The following PTPRD variants were observed in gnomAD, a reference collection of about 807,000 sequenced individuals.
The protein encoded by PTPRD is receptor-type tyrosine-protein phosphatase delta.
In PTPRD, 34 loss-of-function variants were observed where a neutral mutation model predicts 214.5. That is an observed-to-expected ratio of 0.16 (90% CI 0.12 to 0.21). PTPRD has a LOEUF of 0.21. PTPRD is among the 10% of genes least tolerant of loss of function. The pLI, the probability that PTPRD is intolerant of heterozygous loss-of-function variation, is 1.00. For missense variants in PTPRD, 2,545 were observed against 2,398.7 expected, an observed-to-expected ratio of 1.06 and a Z score of -1.27; for synonymous variants, 1,128 against 845.7, an observed-to-expected ratio of 1.33 and a Z score of -5.79.
At chr9:9,744,341 T>A (rs951564598) in intron 6 of PTPRD, among the ~76,000 whole-genome samples, 1 of 151,886 alleles carries the variant, frequency 6.6e-6, no homozygotes, top group Non-Finnish European at 1.5e-5. Flanking sequence ...TAAAAACAAA[T>A]GGGTTTTATA....
intron 33 of PTPRD, among the ~76,000 whole-genome samples, chr9:8,453,818 G>C (rs879208000): frequency 6.6e-6 from 1 of 152,190 alleles, no homozygotes; most frequent in Admixed American, 6.5e-5. Flanking sequence ...AAGTTCCCTG[G>C]TGGTGCTGAC....
At chr9:8,837,017 A>T (rs2570291) in intron 11 of PTPRD, among the ~76,000 whole-genome samples, 1 of 145,506 alleles carries the variant, frequency 6.9e-6, no homozygotes, top group African/African-American at 2.5e-5. Context: ...GTGAGCCACC[A>T]CACCCAGCTT....
intron 26 of PTPRD, among the ~76,000 whole-genome samples, chr9:8,495,602 G>C (rs2097247416): frequency 6.6e-6 from 1 of 152,164 alleles, no homozygotes; most frequent in Non-Finnish European, 1.5e-5. Context: ...AGAAAATGAA[G>C]TGGAATAAAC....
intron 2 of PTPRD, among the ~76,000 whole-genome samples, chr9:10,430,013 C>G (rs1435853468): frequency 2.0e-5 from 3 of 151,850 alleles, no homozygotes; most frequent in African/African-American, 7.2e-5. Context: ...CCACTAATTC[C>G]TATATTTGGT....
chr9:8,499,878 C>A lies in PTPRD; in HGVS notation c.2129-38G>T, dbSNP rs767157459. On this transcript the variant is annotated intron_variant, in intron 24 of 45. Transcript: ENST00000381196. ...CATTGGATAAAAGAAATTATAGGCA[C>A]TTGTCCCACCCTATCAGAGCATTTT... 9 of 1,548,938 alleles carry A rather than the reference C, an allele frequency of 5.8e-6. No homozygotes were observed. The South Asian group carries it at 1.1e-4, about 19-fold the overall frequency.
intron 5 of PTPRD, among the ~76,000 whole-genome samples, chr9:9,868,535 T>G (rs1156368020): frequency 6.6e-6 from 1 of 151,638 alleles, no homozygotes; most frequent in African/African-American, 2.4e-5. Flanking sequence ...AAATATAGCT[T>G]GAGAATAAAA....
chr9:9,956,123 A>G (rs2093913134), intron 4 of PTPRD, among the ~76,000 whole-genome samples: 1 of 152,186 alleles, frequency 6.6e-6, no homozygotes, highest in Non-Finnish European at 1.5e-5. Context: ...CCAATCTAAT[A>G]TATGGTCTTC....
intron 10 of PTPRD, among the ~76,000 whole-genome samples, chr9:9,089,400 G>A (rs1172494869): frequency 2.0e-5 from 3 of 152,198 alleles, no homozygotes; most frequent in Admixed American, 6.5e-5. Context: ...TAATGAGTAT[G>A]TAGCTGGGAC....
chr9:9,074,824 T>C (rs1366745639), intron 10 of PTPRD, among the ~76,000 whole-genome samples: 5 of 151,678 alleles, frequency 3.3e-5, no homozygotes, highest in Non-Finnish European at 7.4e-5. Context: ...AAATATAACA[T>C]GTAAAATAAT....
chr9:8,529,154 GAGA>G (rs1303797600), intron 14 of PTPRD, among the ~76,000 whole-genome samples: 1 of 152,042 alleles, frequency 6.6e-6, no homozygotes, highest in African/African-American at 2.4e-5. Flanking sequence ...ACAAAAAGGG[GAGA>G]AGGAGATTTT....
At chr9:9,336,669 AT>A (rs527557062) in intron 9 of PTPRD, among the ~76,000 whole-genome samples, 3 of 152,260 alleles carry the variant, frequency 2.0e-5, no homozygotes, top group East Asian at 1.9e-4. Context: ...ATATGCTAAT[AT>A]TTTTTAAATG....
chr9:9,411,800 AC>A (rs1416573528), intron 8 of PTPRD, among the ~76,000 whole-genome samples: 5 of 151,696 alleles, frequency 3.3e-5, no homozygotes, highest in Non-Finnish European at 7.3e-5. Flanking sequence ...CTATGCACAC[AC>A]AAAAAAGATC....
chr9:9,130,461 C>A (rs746549265), intron 10 of PTPRD, among the ~76,000 whole-genome samples: 9 of 152,270 alleles, frequency 5.9e-5, no homozygotes, highest in Non-Finnish European at 1.2e-4. Flanking sequence ...TAATAGTCTA[C>A]AACTTGTGTA....
intron 11 of PTPRD, among the ~76,000 whole-genome samples, chr9:8,928,177 C>A (rs2098917387): frequency 6.6e-6 from 1 of 152,128 alleles, no homozygotes; most frequent in Admixed American, 6.5e-5. Flanking sequence ...ACGATAGTTT[C>A]TTTTGCTGTT....
At chr9:8,746,957 G>A (rs2092890720) in intron 11 of PTPRD, among the ~76,000 whole-genome samples, 1 of 152,184 alleles carries the variant, frequency 6.6e-6, no homozygotes, top group African/African-American at 2.4e-5. Flanking sequence ...CAGGAAGCAA[G>A]CCAGGAGTGT....
At chr9:8,418,145 T>C (rs2094085163) in intron 35 of PTPRD, among the ~76,000 whole-genome samples, 1 of 152,176 alleles carries the variant, frequency 6.6e-6, no homozygotes, top group Non-Finnish European at 1.5e-5. Context: ...TGTTTTCCTC[T>C]GTCCATGTCT....
intron 10 of PTPRD, among the ~76,000 whole-genome samples, chr9:9,072,401 C>T (rs1049381835): frequency 2.0e-5 from 3 of 151,792 alleles, no homozygotes; most frequent in Non-Finnish European, 4.4e-5. Context: ...TACACAATGT[C>T]ATTTGGAAGC....
Position 8,404,590 on chromosome 9 carries a change from T to C in PTPRD, c.4157A>G (p.Tyr1386Cys). Reference protein sequence around the residue: ...NLEVNKPKNRYANVIAYDHSR... With the variant: ...NLEVNKPKNRCANVIAYDHSR... ...ATGATCATATGCGATTACATTCGCG[T>C]ATCTATTCTTTGGTTTGTTTACTTC... The change falls in exon 36 of 46, where the codon TAC becomes TGC. Residue 1386 changes from tyrosine to cysteine, a missense_variant. By Grantham distance (194) the Tyr-to-Cys change is radical (BLOSUM62 -2). Coordinates refer to ENST00000381196, the MANE Select transcript of PTPRD (RefSeq NM_002839.4). The C allele has an allele frequency of 6.2e-7, 1 of 1,613,718 alleles. No homozygotes were observed. Among genetic ancestry groups the C allele is most frequent in the Non-Finnish European group, 8.5e-7 (1 of 1,179,694 alleles).
intron 2 of PTPRD, among the ~76,000 whole-genome samples, chr9:10,474,177 GAC>G (rs1462585185): frequency 6.6e-6 from 1 of 151,994 alleles, no homozygotes; most frequent in Admixed American, 6.6e-5. Context: ...CCAATTAAAA[GAC>G]ACAGGCTGGC....
Sources: gnomAD v4.1 joint callset for allele counts (sites outside exome capture counted in the v4.1 genomes callset) on GRCh38, gnomAD v4.1.1 for gene constraint, MANE v1.5 for transcripts, NCBI Gene and HGNC (gene_info 2026-07-23, HGNC 2026-07-21) for gene names.